Variants in SLC22A25 observed in about 807,000 individuals in gnomAD.
The protein encoded by SLC22A25 is solute carrier family 22 member 25.
In SLC22A25, 44 loss-of-function variants were observed where a neutral mutation model predicts 45.9. That is an observed-to-expected ratio of 0.96 (90% CI 0.75 to 1.23). SLC22A25 has a LOEUF of 1.23. Among genes scored for constraint, SLC22A25 ranks in the 50% most tolerant of loss-of-function variants. The pLI, the probability that SLC22A25 is intolerant of heterozygous loss-of-function variation, is 0.00. For missense variants in SLC22A25, 800 were observed against 666.4 expected, an observed-to-expected ratio of 1.20 and a Z score of -2.21; for synonymous variants, 283 against 238.6, an observed-to-expected ratio of 1.19 and a Z score of -1.72.
At position 63,221,981 on chromosome 11, in the gene SLC22A25, T is replaced by G. The variant is rs553771386; in HGVS notation, c.507-4246A>C. Among the ~76,000 whole-genome samples the G allele has an allele frequency of 7.9e-5, 12 of 152,278 alleles. No homozygotes were observed. The East Asian group carries it at 1.9e-3, about 24-fold the overall frequency. ...TTCTGGATTCTCCATTCTGTTCCAT[T>G]GGTCTATGCATGTGTTTTTATGCCA... On this transcript the variant is annotated intron_variant, in intron 5 of 11. Coordinates refer to ENST00000306494, the MANE Select transcript of SLC22A25 (RefSeq NM_199352.6).
intron 3 of SLC22A25, among the ~76,000 whole-genome samples, chr11:63,233,961 A>T (rs1351146995): frequency 6.6e-6 from 1 of 152,214 alleles, no homozygotes; most frequent in Non-Finnish European, 1.5e-5. Flanking sequence ...TGAGTTTCTT[A>T]ATCCTGAGTT....
At chr11:63,194,734 G>T (rs2088942689) in intron 7 of SLC22A25, among the ~76,000 whole-genome samples, 1 of 151,522 alleles carries the variant, frequency 6.6e-6, no homozygotes, top group South Asian at 2.1e-4. Context: ...AAATGTAAAT[G>T]CACTAAATGC....
At chr11:63,204,301 T>G (rs1363745242) in intron 7 of SLC22A25, among the ~76,000 whole-genome samples, 2 of 152,146 alleles carry the variant, frequency 1.3e-5, no homozygotes, top group African/African-American at 4.8e-5. Context: ...GAAATTCACA[T>G]ATAACCATAT....
chr11:63,164,773 G>A (rs1565057414), intron 10 of SLC22A25, 139 bp from the exon 11 acceptor site: 15 of 653,274 alleles, frequency 2.3e-5, no homozygotes, highest in Non-Finnish European at 1.9e-5. Flanking sequence ...TAGAGGCAAA[G>A]AATGTGCAGT....
At chr11:63,243,320 T>G in intron 1 of SLC22A25, 114 bp downstream of exon 1, 1 of 486,904 alleles carries the variant, frequency 2.1e-6, no homozygotes. Flanking sequence ...CCAACATGAT[T>G]GAACCATTTG....
chr11:63,182,499 A>C lies in SLC22A25; in HGVS notation c.954+1195T>G, dbSNP rs138382614. ...CTATATATATATATATATTCTCTCT[A>C]TATATTCTTTATATATATTTAGATA... On this transcript the variant is annotated intron_variant, in intron 8 of 11. Transcript: ENST00000306494. Among the ~76,000 whole-genome samples the C allele has an allele frequency of 6.0e-3, 915 of 151,540 alleles. 8 individuals carry two copies. The highest frequency in any genetic ancestry group is 0.017 in the African/African-American group (706 of 41,362).
At chr11:63,184,340 T>A (rs775490987) in intron 7 of SLC22A25, among the ~76,000 whole-genome samples, 20 of 152,128 alleles carry the variant, frequency 1.3e-4, no homozygotes, top group Non-Finnish European at 1.9e-4. Flanking sequence ...TTATCATGTA[T>A]GATTGTTACA....
intron 7 of SLC22A25, among the ~76,000 whole-genome samples, chr11:63,196,103 A>T (rs1262941265): frequency 1.3e-5 from 2 of 152,230 alleles, no homozygotes; most frequent in Non-Finnish European, 2.9e-5. Context: ...AAATTGAGGT[A>T]ATAATTAATA....
At chr11:63,195,397 A>T (rs1240379017) in intron 7 of SLC22A25, among the ~76,000 whole-genome samples, 1 of 152,158 alleles carries the variant, frequency 6.6e-6, no homozygotes, top group Non-Finnish European at 1.5e-5. Context: ...AAATCACAAC[A>T]AACTGTCTCT....
intron 7 of SLC22A25, among the ~76,000 whole-genome samples, chr11:63,184,109 T>A (rs563023400): frequency 9.2e-5 from 14 of 152,232 alleles, no homozygotes; most frequent in African/African-American, 3.4e-4. Flanking sequence ...TCATCACTTG[T>A]ACAGATGCCT....
At chr11:63,202,248 G>A (rs2089268479) in intron 7 of SLC22A25, among the ~76,000 whole-genome samples, 1 of 151,808 alleles carries the variant, frequency 6.6e-6, no homozygotes, top group Non-Finnish European at 1.5e-5. Context: ...CTAGCTGCAG[G>A]AGTTTTTTTT....
At chr11:63,201,884 G>A (rs1002195019) in intron 7 of SLC22A25, among the ~76,000 whole-genome samples, 5 of 152,190 alleles carry the variant, frequency 3.3e-5, no homozygotes, top group Non-Finnish European at 7.3e-5. Flanking sequence ...GCTCTGGTCT[G>A]CAGCCCCCAG....
At chr11:63,202,502 C>T (rs1007294983) in intron 7 of SLC22A25, among the ~76,000 whole-genome samples, 1 of 152,148 alleles carries the variant, frequency 6.6e-6, no homozygotes, top group African/African-American at 2.4e-5. Context: ...CTTGAGTAGG[C>T]GGTTTTCCCC....
At chr11:63,232,353 C>T (rs2090085196) in intron 3 of SLC22A25, among the ~76,000 whole-genome samples, 1 of 152,070 alleles carries the variant, frequency 6.6e-6, no homozygotes, top group African/African-American at 2.4e-5. Flanking sequence ...CTTCACATCC[C>T]TTTTAAGTTG....
At chr11:63,188,688 T>G (rs1197985853) in intron 7 of SLC22A25, among the ~76,000 whole-genome samples, 1 of 152,246 alleles carries the variant, frequency 6.6e-6, no homozygotes, top group Non-Finnish European at 1.5e-5. Context: ...CATGTAGTGC[T>G]ATAAATTTCC....
chr11:63,164,124 A>G, intron 11 of SLC22A25, 51 bp from the exon 12 acceptor site: 1 of 1,522,918 alleles, frequency 6.6e-7, no homozygotes, highest in Non-Finnish European at 8.8e-7. Context: ...TCATACATAT[A>G]ATTTGTGATT....
At chr11:63,236,734 A>G (rs2090171167) in intron 3 of SLC22A25, among the ~76,000 whole-genome samples, 1 of 152,074 alleles carries the variant, frequency 6.6e-6, no homozygotes, top group South Asian at 2.1e-4. Flanking sequence ...GAAATCACCC[A>G]TCTTCTGCAT....
chr11:63,215,391 A>G (rs916736562), intron 7 of SLC22A25, among the ~76,000 whole-genome samples: 1 of 152,186 alleles, frequency 6.6e-6, no homozygotes. Context: ...ATGAGGACAC[A>G]TGGACACAGG....
chr11:63,221,439 T>A (rs1316442868), intron 5 of SLC22A25, among the ~76,000 whole-genome samples: 1 of 152,164 alleles, frequency 6.6e-6, no homozygotes, highest in East Asian at 1.9e-4. Flanking sequence ...TTGAGAAATG[T>A]CTCTTCAGAT....
Sources: allele counts gnomAD v4.1 joint callset (sites outside exome capture counted in the v4.1 genomes callset), GRCh38; gene constraint gnomAD v4.1.1; transcripts MANE v1.5; gene names NCBI Gene and HGNC (gene_info 2026-07-23, HGNC 2026-07-21).